The following SYN2 variants were observed in gnomAD, a reference collection of about 807,000 sequenced individuals.
The protein encoded by SYN2 is synapsin-2.
In SYN2, 19 loss-of-function variants were observed where a neutral mutation model predicts 50.9. The ratio of observed to expected loss-of-function variants is 0.37; its 90% confidence interval spans 0.26 to 0.55. SYN2 has a LOEUF of 0.55. Among genes scored for constraint, SYN2 ranks in the 20% least tolerant of loss-of-function variants. SYN2 has a pLI of 0.81. For synonymous variants in SYN2, 255 were observed against 224.9 expected (o/e 1.13, Z -1.20); for missense variants, 587 against 576.4 (o/e 1.02, Z -0.19).
chr3:12,072,081 T>C (rs1406301443), intron 1 of SYN2, among the ~76,000 whole-genome samples: 1 of 152,210 alleles, frequency 6.6e-6, no homozygotes, highest in Non-Finnish European at 1.5e-5. Flanking sequence ...ATAAAAATGC[T>C]GCCGTTAAAA....
chr3:12,157,260 C>G, intron 5 of SYN2: 1 of 850,584 alleles, frequency 1.2e-6, no homozygotes, highest in Non-Finnish European at 1.9e-6. Context: ...TCCAGTTCCA[C>G]TTCAGTATCT....
chr3:12,094,991 A>G (rs1164052028), intron 1 of SYN2, among the ~76,000 whole-genome samples: 1 of 152,162 alleles, frequency 6.6e-6, no homozygotes, highest in African/African-American at 2.4e-5. Context: ...TTGTTGGCCT[A>G]CGTGTGGTGA....
chr3:12,046,931 G>T (rs929955971), intron 1 of SYN2, among the ~76,000 whole-genome samples: 3 of 149,698 alleles, frequency 2.0e-5, no homozygotes, highest in South Asian at 2.1e-4. Flanking sequence ...TTTTAGATAT[G>T]TTGTAATTGA....
At chr3:12,107,100 A>G (rs1696209115) in intron 1 of SYN2, among the ~76,000 whole-genome samples, 1 of 152,044 alleles carries the variant, frequency 6.6e-6, no homozygotes, top group South Asian at 2.1e-4. Flanking sequence ...GCTATTTCCT[A>G]TACTGTTCAA....
At chr3:12,145,543 C>A in intron 3 of SYN2, 136 bp from the exon 4 acceptor site, 1 of 1,017,250 alleles carries the variant, frequency 9.8e-7, no homozygotes. Flanking sequence ...TCTAAAATAA[C>A]AACAGTAAAA....
intron 1 of SYN2, among the ~76,000 whole-genome samples, chr3:12,011,312 C>A (rs1693907458): frequency 6.6e-6 from 1 of 152,146 alleles, no homozygotes; most frequent in Admixed American, 6.5e-5. Flanking sequence ...AATTGGGTAT[C>A]ATAAAGCTAC....
At chr3:12,151,856 C>A (rs890761613) in intron 5 of SYN2, among the ~76,000 whole-genome samples, 18 of 152,208 alleles carry the variant, frequency 1.2e-4, no homozygotes, top group African/African-American at 3.4e-4. Flanking sequence ...GCTTCCACAA[C>A]TGTGATAAGG....
intron 1 of SYN2, among the ~76,000 whole-genome samples, chr3:12,037,873 T>C (rs1694531754): frequency 6.6e-6 from 1 of 152,228 alleles, no homozygotes; most frequent in Non-Finnish European, 1.5e-5. Context: ...CTTTTCACTT[T>C]GGTAGTGTTC....
At chr3:12,043,199 A>T (rs937011780) in intron 1 of SYN2, among the ~76,000 whole-genome samples, 3 of 151,796 alleles carry the variant, frequency 2.0e-5, no homozygotes, top group African/African-American at 7.3e-5. Flanking sequence ...ATTTTTAAAA[A>T]ATTTCATAGA....
At chr3:12,154,282 C>T (rs1697389173) in intron 5 of SYN2, 1 of 1,613,274 alleles carries the variant, frequency 6.2e-7, no homozygotes, top group Non-Finnish European at 8.5e-7. Context: ...AGGCTCAGAA[C>T]CCTTCCCCCA....
chr3:12,132,014 CTTTTCTTTTTCTTTT>C (rs1466237807), intron 1 of SYN2, among the ~76,000 whole-genome samples: 1 of 148,682 alleles, frequency 6.7e-6, no homozygotes, highest in Non-Finnish European at 1.5e-5. Context: ...TTTTTCCTTT[CTTTTCTTTTTCTTTT>C]TTTTCTTTTT....
intron 12 of SYN2, 60 bp downstream of exon 12, chr3:12,187,672 GC>G: frequency 6.8e-7 from 1 of 1,466,422 alleles, no homozygotes; most frequent in Non-Finnish European, 9.1e-7. Context: ...TGGGCCTTGG[GC>G]TCCAGAGCTG....
At chr3:12,154,719 T>TAAAGTC (rs1323652233) in intron 5 of SYN2, among the ~76,000 whole-genome samples, 2 of 152,234 alleles carry the variant, frequency 1.3e-5, no homozygotes, top group East Asian at 3.8e-4. Flanking sequence ...ATGTGGTCTT[T>TAAAGTC]AAAGTCAAAG....
chr3:12,134,902 G>A (rs1574959095), intron 1 of SYN2, among the ~76,000 whole-genome samples: 3 of 152,290 alleles, frequency 2.0e-5, no homozygotes, highest in South Asian at 2.1e-4. Flanking sequence ...TCTGCTTTCT[G>A]TACTTTGTTA....
chr3:12,060,312 G>A (rs1231140625), intron 1 of SYN2, among the ~76,000 whole-genome samples: 2 of 152,158 alleles, frequency 1.3e-5, no homozygotes, highest in African/African-American at 4.8e-5. Flanking sequence ...GAAAGGGAGA[G>A]TAACCATTGT....
intron 1 of SYN2, among the ~76,000 whole-genome samples, chr3:12,119,311 C>A (rs1696501936): frequency 6.6e-6 from 1 of 152,024 alleles, no homozygotes; most frequent in African/African-American, 2.4e-5. Flanking sequence ...TGTGAACATT[C>A]AGCTCTTTTG....
chr3:12,172,942 C>G (rs1697970895), intron 10 of SYN2, among the ~76,000 whole-genome samples: 1 of 152,164 alleles, frequency 6.6e-6, no homozygotes, highest in Non-Finnish European at 1.5e-5. Context: ...AGGACTGTGC[C>G]TTATTGATCT....
intron 1 of SYN2, among the ~76,000 whole-genome samples, chr3:12,028,030 C>CCTCCCCG (rs1273813260): frequency 1.2e-5 from 1 of 83,962 alleles, no homozygotes; most frequent in Non-Finnish European, 2.1e-5. Flanking sequence ...TTCCCTCCCC[C>CCTCCCCG]CTCCCCACCA....
At chr3:12,047,321 G>A (rs1486804927) in intron 1 of SYN2, among the ~76,000 whole-genome samples, 1 of 151,794 alleles carries the variant, frequency 6.6e-6, no homozygotes, top group Non-Finnish European at 1.5e-5. Context: ...TGGATGGTGG[G>A]AAGTTGAGGA....
Sources: allele counts gnomAD v4.1 joint callset (sites outside exome capture counted in the v4.1 genomes callset), GRCh38; gene constraint gnomAD v4.1.1; transcripts MANE v1.5; gene names NCBI Gene and HGNC (gene_info 2026-07-23, HGNC 2026-07-21).